The following DNAH7 variants were observed in gnomAD, a reference collection of about 807,000 sequenced individuals.
The protein encoded by DNAH7 is dynein axonemal heavy chain 7.
In DNAH7, 397 loss-of-function variants were observed where a neutral mutation model predicts 444.6. That is an observed-to-expected ratio of 0.89 (90% CI 0.82 to 0.97). The LOEUF is 0.97. DNAH7 is among the 50% of genes least tolerant of loss of function. The probability of loss-of-function intolerance (pLI) is 0.00; values close to 1 mark genes in which losing one functional copy is unlikely to be tolerated. For missense variants in DNAH7, 4,902 were observed against 4,800.8 expected, an observed-to-expected ratio of 1.02 and a Z score of -0.62; for synonymous variants, 1,636 against 1,624.4, an observed-to-expected ratio of 1.01 and a Z score of -0.17.
chr2:195,906,952 C>G lies in DNAH7; in HGVS notation c.4162G>C (p.Glu1388Gln), dbSNP rs777765087. Residue 1388 changes from glutamate to glutamine, a missense_variant, in exon 26 of 65, where the codon GAA becomes CAA. Transcript: ENST00000312428. Reference protein sequence around the residue: ...CFDEFNRIDLEVLSVVAQQIL... With the variant: ...CFDEFNRIDLQVLSVVAQQIL... ...TGTTGAGCAACCACAGAGAGTACTT[C>G]CAAATCAATTCTGTTAAACTCATCA... is the stretch of plus-strand genomic sequence containing the variant. 6.2e-7 allele frequency: 1 copy of G among 1,613,108 alleles called. No individual in the cohort carries two copies. Among genetic ancestry groups the G allele is most frequent in the East Asian group, 2.2e-5 (1 of 44,860 alleles).
intron 27 of DNAH7, among the ~76,000 whole-genome samples, chr2:195,906,440 A>ATT (rs1274836061): frequency 9.0e-6 from 1 of 111,092 alleles, no homozygotes; most frequent in Non-Finnish European, 1.7e-5. Flanking sequence ...CTTTTAAAAT[A>ATT]TTTTCTTTCT....
At chr2:195,975,931 T>G (rs772049328) in intron 15 of DNAH7, among the ~76,000 whole-genome samples, 2 of 151,686 alleles carry the variant, frequency 1.3e-5, no homozygotes, top group Non-Finnish European at 2.9e-5. Context: ...GGAAACACCC[T>G]GGGCCTTGGA....
In DNAH7 at chr2:195,987,095, C is replaced by T. The variant is rs372379891; in HGVS notation, c.1725G>A (p.Met575Ile). ...TATTTACTTCCTGATGATCTCTGAACATTTTAGCTAGAAGTTTCCCACAAA... is the reference window on the plus strand; with the variant it reads ...TATTTACTTCCTGATGATCTCTGAATATTTTAGCTAGAAGTTTCCCACAAA... ...DIICGKLLAKMFRDHQEVNTR... is the reference protein window; with the variant it reads ...DIICGKLLAKIFRDHQEVNTR... Residue 575 changes from methionine to isoleucine, a missense_variant, in exon 14 of 65, where the codon ATG (methionine) becomes ATA (isoleucine). By Grantham distance (10) the Met-to-Ile change is conservative. Transcript: ENST00000312428. The T allele has an allele frequency of 2.2e-5, 35 of 1,605,262 alleles. No individual in the cohort carries two copies. The highest frequency in any genetic ancestry group is 1.2e-4 in the African/African-American group (9 of 74,542).
chr2:195,896,978 G>T (rs1203883142), intron 29 of DNAH7, among the ~76,000 whole-genome samples: 1 of 152,116 alleles, frequency 6.6e-6, no homozygotes, highest in Non-Finnish European at 1.5e-5. Flanking sequence ...AATGAAACTA[G>T]ATTCCTATAT....
chr2:195,793,882 G>A (rs1312104174), intron 57 of DNAH7, among the ~76,000 whole-genome samples: 1 of 152,140 alleles, frequency 6.6e-6, no homozygotes, highest in Admixed American at 6.6e-5. Flanking sequence ...CTTGCCTGGT[G>A]ACGCTAAAAA....
chr2:195,873,303 A>G (rs1700829158), intron 39 of DNAH7, among the ~76,000 whole-genome samples: 1 of 152,224 alleles, frequency 6.6e-6, no homozygotes, highest in Non-Finnish European at 1.5e-5. Flanking sequence ...AACCTGGTAC[A>G]TCTTTCCAGC....
At chr2:195,938,879 C>T (rs530942238) in intron 19 of DNAH7, among the ~76,000 whole-genome samples, 11 of 152,196 alleles carry the variant, frequency 7.2e-5, no homozygotes, top group African/African-American at 2.4e-4. Flanking sequence ...TTATGACTGG[C>T]AACTCAACTA....
intron 63 of DNAH7, among the ~76,000 whole-genome samples, chr2:195,745,984 A>G (rs1187964146): frequency 2.0e-5 from 3 of 152,240 alleles, no homozygotes; most frequent in Non-Finnish European, 4.4e-5. Context: ...GACACAATCA[A>G]ATTCACACAT....
At chr2:196,004,275 T>C (rs1317755137) in intron 10 of DNAH7, among the ~76,000 whole-genome samples, 1 of 152,124 alleles carries the variant, frequency 6.6e-6, no homozygotes, top group East Asian at 1.9e-4. Context: ...GTTATTCAGA[T>C]TTTGCAATAG....
chr2:196,006,029 T>A (rs1428616247), intron 10 of DNAH7, among the ~76,000 whole-genome samples: 1 of 152,096 alleles, frequency 6.6e-6, no homozygotes, highest in Non-Finnish European at 1.5e-5. Flanking sequence ...AAAAGTATTA[T>A]ATGATCATAT....
intron 25 of DNAH7, among the ~76,000 whole-genome samples, 173 bp from the exon 26 acceptor site, chr2:195,907,182 C>T (rs946273760): frequency 1.3e-5 from 2 of 151,958 alleles, no homozygotes; most frequent in Non-Finnish European, 2.9e-5. Flanking sequence ...TTATTCTGCA[C>T]GAATAAAAGA....
At chr2:195,738,389 A>ATGAC (rs1056736831) in intron 64 of DNAH7, among the ~76,000 whole-genome samples, 34 of 150,778 alleles carry the variant, frequency 2.3e-4, no homozygotes, top group African/African-American at 8.3e-4. Context: ...TACCTGGGAA[A>ATGAC]TGACTTTTAG....
intron 49 of DNAH7, among the ~76,000 whole-genome samples, chr2:195,823,261 T>C (rs946290873): frequency 6.6e-6 from 1 of 152,334 alleles, no homozygotes; most frequent in South Asian, 2.1e-4. Flanking sequence ...CACTCCATTT[T>C]CCCCTAGTCT....
intron 1 of DNAH7, among the ~76,000 whole-genome samples, chr2:196,059,273 G>A (rs533209045): frequency 6.6e-6 from 1 of 152,280 alleles, no homozygotes; most frequent in East Asian, 1.9e-4. Context: ...GTAACCTTAA[G>A]AGAAAGGGGC....
chr2:196,002,800 G>A (rs554999078), intron 10 of DNAH7, among the ~76,000 whole-genome samples: 1 of 152,172 alleles, frequency 6.6e-6, no homozygotes, highest in African/African-American at 2.4e-5. Flanking sequence ...CTGAGGTCAG[G>A]AGTTCAAGAC....
Position 195,872,489 on chromosome 2 carries a change from AAAAG to A in DNAH7, c.6414-24_6414-21del, listed in dbSNP as rs767234667. The A allele has an allele frequency of 1.3e-5, 19 of 1,496,188 alleles. No homozygotes were observed. The East Asian group carries it at 4.6e-4, about 36-fold the overall frequency. 92.7% of individuals were successfully genotyped at this position (1,496,188 alleles called of 1,614,324 possible). A position where few individuals can be genotyped will look rare whatever the true frequency, so the allele number is the denominator to read the frequency against. On this transcript the variant is annotated intron_variant, in intron 39 of 64. Coordinates refer to ENST00000312428, the MANE Select transcript of DNAH7 (RefSeq NM_018897.3). ...TTATAACTTAAAAATTTTTTAAATAAAAAGAAAGGAAAATGTTAGCAATTATAGA... is the reference window on the plus strand; with the variant it reads ...TTATAACTTAAAAATTTTTTAAATAAAAAGGAAAATGTTAGCAATTATAGA...
At chr2:195,972,127 T>C (rs533266366) in intron 16 of DNAH7, 115 bp downstream of exon 16, 17 of 762,984 alleles carry the variant, frequency 2.2e-5, no homozygotes, top group East Asian at 1.3e-4. Context: ...TATAGCATTA[T>C]AGTATGAGAA....
At chr2:195,937,558 A>G (rs868432734) in intron 19 of DNAH7, among the ~76,000 whole-genome samples, 1 of 152,222 alleles carries the variant, frequency 6.6e-6, no homozygotes, top group African/African-American at 2.4e-5. Context: ...TAAAGAACTC[A>G]TATTTTTTAA....
At chr2:195,985,836 C>G (rs1185418398) in intron 14 of DNAH7, among the ~76,000 whole-genome samples, 1 of 152,140 alleles carries the variant, frequency 6.6e-6, no homozygotes, top group African/African-American at 2.4e-5. Context: ...GTGCTTTAAG[C>G]TGAAAATATG....
Sources: allele counts gnomAD v4.1 joint callset (sites outside exome capture counted in the v4.1 genomes callset), GRCh38; gene constraint gnomAD v4.1.1; transcripts MANE v1.5; gene names NCBI Gene and HGNC (gene_info 2026-07-23, HGNC 2026-07-21).